Variants in ADGRL2 observed in about 807,000 individuals in gnomAD.
ADGRL2 encodes calcium-independent alpha-latrotoxin receptor 2.
In ADGRL2, 44 loss-of-function variants were observed where a neutral mutation model predicts 157.4. That is an observed-to-expected ratio of 0.28 (90% CI 0.22 to 0.36). The LOEUF is 0.36. Among genes scored for constraint, ADGRL2 ranks in the 10% least tolerant of loss-of-function variants. The probability of loss-of-function intolerance (pLI) is 1.00; values close to 1 mark genes in which losing one functional copy is unlikely to be tolerated. For synonymous variants in ADGRL2, 585 were observed against 624.7 expected (o/e 0.94, Z 0.95); for missense variants, 1,510 against 1,768.9 (o/e 0.85, Z 2.63).
chr1:81,596,817 G>C (rs2081243966), intron 3 of ADGRL2, among the ~76,000 whole-genome samples: 2 of 151,990 alleles, frequency 1.3e-5, no homozygotes, highest in South Asian at 4.1e-4. Flanking sequence ...GGATTAAGTA[G>C]TCTCTAGCTT....
At chr1:81,854,690 G>C (rs2093141158) in intron 2 of ADGRL2, among the ~76,000 whole-genome samples, 1 of 152,130 alleles carries the variant, frequency 6.6e-6, no homozygotes, top group African/African-American at 2.4e-5. Flanking sequence ...ACCTAAAGGG[G>C]AATCCAGAGA....
intron 3 of ADGRL2, among the ~76,000 whole-genome samples, chr1:81,918,037 C>T (rs1335303852): frequency 6.6e-6 from 1 of 152,150 alleles, no homozygotes; most frequent in South Asian, 2.1e-4. Flanking sequence ...TACTTCCCCT[C>T]ATTTATGGTG....
At chr1:81,444,002 G>A (rs551583534) in intron 1 of ADGRL2, among the ~76,000 whole-genome samples, 13 of 152,248 alleles carry the variant, frequency 8.5e-5, no homozygotes, top group Non-Finnish European at 1.6e-4. Flanking sequence ...CCGATGCCCC[G>A]GTAAGTAGTG....
At chr1:81,919,978 T>A in intron 3 of ADGRL2, among the ~76,000 whole-genome samples, 1 of 152,192 alleles carries the variant, frequency 6.6e-6, no homozygotes, top group East Asian at 1.9e-4. Context: ...TATTCAAATA[T>A]AATTTAAATA....
chr1:81,403,867 A>G (rs1215298396), intron 1 of ADGRL2, among the ~76,000 whole-genome samples: 1 of 148,648 alleles, frequency 6.7e-6, no homozygotes, highest in Admixed American at 6.8e-5. Context: ...GCACAATCTC[A>G]GCTCACTGCA....
At chr1:81,504,233 T>C (rs1283323794) in intron 2 of ADGRL2, among the ~76,000 whole-genome samples, 3 of 152,050 alleles carry the variant, frequency 2.0e-5, no homozygotes, top group Non-Finnish European at 4.4e-5. Flanking sequence ...GCCCTTATTG[T>C]CCTGCTTTCC....
intron 2 of ADGRL2, among the ~76,000 whole-genome samples, chr1:81,904,854 C>A (rs1020045816): frequency 6.6e-6 from 1 of 151,986 alleles, no homozygotes; most frequent in East Asian, 2.0e-4. Flanking sequence ...TTGCAGTGAG[C>A]CAAGACTCTG....
chr1:81,458,239 A>G (rs908721075), intron 2 of ADGRL2, among the ~76,000 whole-genome samples: 5 of 151,424 alleles, frequency 3.3e-5, no homozygotes, highest in African/African-American at 1.2e-4. Flanking sequence ...TGGTAAGAAT[A>G]CTTACCATGA....
chr1:81,344,774 A>C (rs1469107259), intron 1 of ADGRL2, among the ~76,000 whole-genome samples: 1 of 151,932 alleles, frequency 6.6e-6, no homozygotes, highest in East Asian at 1.9e-4. Context: ...TCTCATATTT[A>C]AAAACTATTA....
intron 1 of ADGRL2, among the ~76,000 whole-genome samples, chr1:81,329,400 A>G (rs578082980): frequency 5.9e-5 from 9 of 152,110 alleles, no homozygotes; most frequent in Non-Finnish European, 7.4e-5. Context: ...TTCTGACAAT[A>G]TAGGAAAGCT....
At chr1:81,936,035 G>A (rs999214731) in intron 3 of ADGRL2, among the ~76,000 whole-genome samples, 2 of 151,738 alleles carry the variant, frequency 1.3e-5, no homozygotes, top group Non-Finnish European at 2.9e-5. Flanking sequence ...AATTATATAG[G>A]CACATTGATC....
intron 1 of ADGRL2, among the ~76,000 whole-genome samples, chr1:81,726,832 A>C (rs969049192): frequency 6.6e-6 from 1 of 152,312 alleles, no homozygotes. Context: ...TTGGACAGAT[A>C]ACTGTTCAGG....
intron 2 of ADGRL2, among the ~76,000 whole-genome samples, chr1:81,506,771 T>C (rs1175354236): frequency 2.6e-5 from 4 of 151,330 alleles, no homozygotes; most frequent in Non-Finnish European, 5.9e-5. Context: ...AGACAATAAA[T>C]TGTTGAGTTA....
chr1:81,562,406 T>C (rs1169636744), intron 2 of ADGRL2, among the ~76,000 whole-genome samples: 4 of 152,162 alleles, frequency 2.6e-5, no homozygotes, highest in African/African-American at 7.2e-5. Context: ...TACACCCAGA[T>C]TGTGTATGTT....
In ADGRL2 at chr1:81,984,597, T is replaced by C. The variant is rs1170459440; in HGVS notation, c.3297T>C (p.Tyr1099=). 2 of 1,609,028 alleles carry C rather than the reference T, an allele frequency of 1.2e-6. No individual in the cohort carries two copies. The highest frequency in any genetic ancestry group is 1.1e-5 in the South Asian group (1 of 90,640). ...CALQKKVRKE[Y]GKCFRHSYCC... ...ATTCAATGCAGGTACGAAAAGAATA[T>C]GGCAAGTGCTTCAGACACTCATACT... The change falls in exon 20 of 24, where the codon TAT becomes TAC. Residue 1099 remains tyrosine, a synonymous_variant. Coordinates refer to ENST00000686636, the MANE Select transcript of ADGRL2 (RefSeq NM_001366006.2).
intron 1 of ADGRL2, among the ~76,000 whole-genome samples, chr1:81,444,730 C>T (rs1226139464): frequency 1.3e-5 from 2 of 152,182 alleles, no homozygotes; most frequent in African/African-American, 4.8e-5. Context: ...CCCATCTCCC[C>T]AGGTGGGTGG....
chr1:81,800,740 C>T (rs1276506265), upstream of ADGRL2, among the ~76,000 whole-genome samples: 1 of 151,478 alleles, frequency 6.6e-6, no homozygotes, highest in East Asian at 2.0e-4. Flanking sequence ...GCCGGCGGAG[C>T]GCGCGGAGGA....
At chr1:81,644,140 C>T (rs959473821) in intron 3 of ADGRL2, among the ~76,000 whole-genome samples, 4 of 152,280 alleles carry the variant, frequency 2.6e-5, no homozygotes, top group African/African-American at 9.6e-5. Flanking sequence ...GTCTTCTCAA[C>T]AAATGGCGCT....
chr1:81,867,922 T>G (rs1008682489), intron 2 of ADGRL2, among the ~76,000 whole-genome samples: 6 of 152,042 alleles, frequency 3.9e-5, no homozygotes, highest in African/African-American at 1.2e-4. Context: ...ATTTGGAGCT[T>G]ATAGACTCTT....
Sources: gnomAD v4.1 joint callset for allele counts (sites outside exome capture counted in the v4.1 genomes callset) on GRCh38, gnomAD v4.1.1 for gene constraint, MANE v1.5 for transcripts, NCBI Gene and HGNC (gene_info 2026-07-23, HGNC 2026-07-21) for gene names.